Variants in NCKAP5 observed in about 807,000 individuals in gnomAD.
The protein encoded by NCKAP5 is NCK associated protein 5.
In NCKAP5, 92 loss-of-function variants were observed where a neutral mutation model predicts 167.0. That is an observed-to-expected ratio of 0.55 (90% confidence interval 0.47 to 0.66). The LOEUF is 0.66. NCKAP5 is among the 30% of genes least tolerant of loss of function. The pLI is 0.00. For synonymous variants in NCKAP5, 891 were observed against 877.4 expected, an observed-to-expected ratio of 1.02 and a Z score of -0.27; for missense variants, 2,378 against 2,315.0, an observed-to-expected ratio of 1.03 and a Z score of -0.56.
chr2:133,012,383 G>A (rs1013732744), intron 6 of NCKAP5, among the ~76,000 whole-genome samples: 13 of 152,242 alleles, frequency 8.5e-5, no homozygotes, highest in Admixed American at 7.8e-4. Flanking sequence ...TAGCAGCTGG[G>A]ACTACAGGTG....
chr2:132,900,967 AAAAAAAAAAG>A (rs1270214078), intron 8 of NCKAP5, among the ~76,000 whole-genome samples: 1 of 146,958 alleles, frequency 6.8e-6, no homozygotes, highest in African/African-American at 2.5e-5. Context: ...CTCTGTCTCA[AAAAAAAAAAG>A]AAAAAAAAAA....
At chr2:133,141,112 G>A (rs2082979665) in intron 5 of NCKAP5, among the ~76,000 whole-genome samples, 1 of 151,950 alleles carries the variant, frequency 6.6e-6, no homozygotes, top group Non-Finnish European at 1.5e-5. Flanking sequence ...TCCTGACTGA[G>A]GATAATGTGA....
chr2:133,357,364 T>C (rs1295599022), intron 3 of NCKAP5, among the ~76,000 whole-genome samples: 1 of 151,518 alleles, frequency 6.6e-6, no homozygotes, highest in East Asian at 1.9e-4. Context: ...GGGTCTTTCC[T>C]TATAGCCTTT....
At chr2:133,161,784 G>A (rs1410177009) in intron 5 of NCKAP5, among the ~76,000 whole-genome samples, 1 of 152,198 alleles carries the variant, frequency 6.6e-6, no homozygotes. Flanking sequence ...GAAAGCTCAG[G>A]CCTGTCCAAG....
intron 4 of NCKAP5, among the ~76,000 whole-genome samples, chr2:133,271,659 T>C (rs562174642): frequency 5.5e-4 from 84 of 152,232 alleles, no homozygotes; most frequent in Admixed American, 2.7e-3. Context: ...CTATCATAGA[T>C]TGAAAGAGAC....
chr2:133,132,481 G>GCACACA (rs373384379), intron 5 of NCKAP5, among the ~76,000 whole-genome samples: 4,817 of 129,968 alleles, frequency 0.037, 137 homozygotes, highest in African/African-American at 0.074. Flanking sequence ...GAAAAAAAAA[G>GCACACA]CACACACACA....
chr2:133,360,870 CAAATT>C (rs1005549231), intron 3 of NCKAP5, among the ~76,000 whole-genome samples: 1 of 150,344 alleles, frequency 6.7e-6, no homozygotes, highest in African/African-American at 2.5e-5. Context: ...CATGGCTAAT[CAAATT>C]AGAGTGGAGA....
chr2:133,291,030 C>T (rs1324057710), intron 4 of NCKAP5, among the ~76,000 whole-genome samples: 3 of 152,120 alleles, frequency 2.0e-5, no homozygotes, highest in African/African-American at 7.2e-5. Context: ...AGTTTCTCCT[C>T]TTGAATCATC....
intron 6 of NCKAP5, among the ~76,000 whole-genome samples, chr2:133,035,040 C>T (rs2078996811): frequency 1.3e-5 from 2 of 151,910 alleles, no homozygotes; most frequent in African/African-American, 2.4e-5. Flanking sequence ...TATAAAGACA[C>T]ACATGGACTG....
At chr2:133,433,051 CAGCAT>C (rs1217584325) in intron 3 of NCKAP5, among the ~76,000 whole-genome samples, 2 of 152,108 alleles carry the variant, frequency 1.3e-5, no homozygotes, top group African/African-American at 4.8e-5. Context: ...GGATGGAAAA[CAGCAT>C]AGCACCAGCA....
chr2:133,001,252 T>C (rs2077768814), intron 6 of NCKAP5, among the ~76,000 whole-genome samples: 1 of 150,536 alleles, frequency 6.6e-6, no homozygotes. Context: ...GGTCTCACTC[T>C]GTCACCCAGG....
intron 13 of NCKAP5, among the ~76,000 whole-genome samples, chr2:132,789,232 C>T (rs1683849708): frequency 6.6e-6 from 1 of 152,192 alleles, no homozygotes; most frequent in African/African-American, 2.4e-5. Flanking sequence ...GGGATATTCA[C>T]AAAGCGAGGA....
At chr2:132,685,285 A>T (rs1191075654) in intron 19 of NCKAP5, among the ~76,000 whole-genome samples, 1 of 152,126 alleles carries the variant, frequency 6.6e-6, no homozygotes, top group Non-Finnish European at 1.5e-5. Context: ...CCAGGAAAAA[A>T]CTGCACAGAG....
chr2:133,185,939 G>C (rs1029565485), intron 5 of NCKAP5, among the ~76,000 whole-genome samples: 3 of 152,034 alleles, frequency 2.0e-5, no homozygotes, highest in Non-Finnish European at 2.9e-5. Context: ...TTCCTATCTG[G>C]ATGCCTTTTT....
intron 3 of NCKAP5, among the ~76,000 whole-genome samples, chr2:133,492,143 T>TTGTGTGTGTGTGTGTGTGTGTGTGTG (rs780998843): frequency 0.087 from 7,364 of 84,312 alleles, 264 homozygotes; most frequent in Non-Finnish European, 0.11. Flanking sequence ...CATATCTAGT[T>TTGTGTGTGTGTGTGTGTGTGTGTGTG]AGTGTGTGTG....
intron 11 of NCKAP5, among the ~76,000 whole-genome samples, chr2:132,798,933 C>T (rs1458001089): frequency 1.3e-5 from 2 of 152,050 alleles, no homozygotes; most frequent in African/African-American, 4.8e-5. Context: ...CATCATTCTA[C>T]CAAAAAGATA....
chr2:133,406,785 TC>T (rs1443725205), intron 3 of NCKAP5, among the ~76,000 whole-genome samples: 2 of 152,178 alleles, frequency 1.3e-5, no homozygotes, highest in Non-Finnish European at 2.9e-5. Context: ...ACTGTCCCAT[TC>T]CCAGAAAACA....
chr2:133,231,656 A>G (rs1384159042), intron 4 of NCKAP5, among the ~76,000 whole-genome samples: 1 of 152,170 alleles, frequency 6.6e-6, no homozygotes, highest in Non-Finnish European at 1.5e-5. Flanking sequence ...ATCCAACAAA[A>G]CACTGAAACA....
chr2:133,212,241 C>G (rs1179795163), intron 5 of NCKAP5, among the ~76,000 whole-genome samples: 2 of 152,186 alleles, frequency 1.3e-5, no homozygotes, highest in Non-Finnish European at 2.9e-5. Flanking sequence ...TGAAACATTA[C>G]AGAATGACCT....
Sources: allele counts gnomAD v4.1 joint callset (sites outside exome capture counted in the v4.1 genomes callset), GRCh38; gene constraint gnomAD v4.1.1; transcripts MANE v1.5; gene names NCBI Gene and HGNC (gene_info 2026-07-23, HGNC 2026-07-21).